GALNT18: variants seen among roughly 807,000 people sequenced by gnomAD.
GALNT18 encodes polypeptide N-acetylgalactosaminyltransferase 18.
GALNT18 carries 44 observed loss-of-function variants against 69.5 expected under a neutral mutation model. That is an observed-to-expected ratio of 0.63 (90% CI 0.50 to 0.81). The LOEUF (loss-of-function observed/expected upper bound fraction) is 0.81. Among genes scored for constraint, GALNT18 ranks in the 40% least tolerant of loss-of-function variants. The pLI is 0.00. For synonymous variants in GALNT18, 364 were observed against 318.2 expected, an observed-to-expected ratio of 1.14 and a Z score of -1.53; for missense variants, 715 against 810.0, an observed-to-expected ratio of 0.88 and a Z score of 1.42.
intron 3 of GALNT18, among the ~76,000 whole-genome samples, chr11:11,418,405 T>C (rs1202748336): frequency 6.6e-6 from 1 of 152,246 alleles, no homozygotes; most frequent in East Asian, 1.9e-4. Flanking sequence ...TCATGTTGAT[T>C]CCTTCCCTAA....
rs1454346466 is a variant in GALNT18, at chr11:11,606,871, A to G, written c.235+14488T>C. ...CTCCTCAGGGTAGTCCTCAAGTTGC[A>G]TTGGGTCTTGGATCCTTCAGCAAAC... is the stretch of plus-strand genomic sequence containing the variant. On this transcript the variant is annotated intron_variant, in intron 1 of 10. Transcript: ENST00000227756. This position sits in a 1 kb window ranked among gnomAD's most constrained non-coding sequence, Gnocchi z 5.4. Among the ~76,000 whole-genome samples the G allele has an allele frequency of 6.6e-6, 1 of 152,170 alleles. No homozygotes were observed. The highest frequency in any genetic ancestry group is 6.5e-5 in the Admixed American group (1 of 15,282).
At chr11:11,365,311 A>G (rs12788206) in intron 6 of GALNT18, among the ~76,000 whole-genome samples, 38,682 of 151,940 alleles carry the variant, frequency 0.25, 5,324 homozygotes, top group Middle Eastern at 0.31. Flanking sequence ...CCATGTCCCC[A>G]CAAAGGACGG....
intron 1 of GALNT18, among the ~76,000 whole-genome samples, chr11:11,474,939 G>C (rs1156731814): frequency 6.6e-6 from 1 of 152,204 alleles, no homozygotes; most frequent in Non-Finnish European, 1.5e-5. Context: ...TCCCCAGAGT[G>C]GGAATGTCAA....
At chr11:11,336,238 A>G (rs939927584) in intron 7 of GALNT18, among the ~76,000 whole-genome samples, 3 of 152,164 alleles carry the variant, frequency 2.0e-5, no homozygotes, top group Non-Finnish European at 4.4e-5. Context: ...CTGATTTTCA[A>G]TTAAAGTAGC....
At chr11:11,437,512 G>A (rs1673698212) in intron 2 of GALNT18, among the ~76,000 whole-genome samples, 1 of 152,056 alleles carries the variant, frequency 6.6e-6, no homozygotes, top group African/African-American at 2.4e-5. Context: ...ATATGTATGA[G>A]GCAAATTTAC....
At position 11,378,000 on chromosome 11, in the gene GALNT18, A is replaced by G. The variant is rs1313865872; in HGVS notation, c.780-621T>C. ...GCGAGTAAAGTGTTTGCAGGCAGGA[A>G]TAAGCTTCTCATTAATAATACATTT... is the stretch of plus-strand genomic sequence containing the variant. On this transcript the variant is annotated intron_variant, in intron 4 of 10. Coordinates refer to ENST00000227756, the MANE Select transcript of GALNT18 (RefSeq NM_198516.3). The surrounding 1 kb of genome is among the most constrained non-coding windows in gnomAD (Gnocchi z 4.6). Among the ~76,000 whole-genome samples the G allele has an allele frequency of 6.6e-6, 1 of 152,254 alleles. No individual in the cohort carries two copies. Among genetic ancestry groups the G allele is most frequent in the Non-Finnish European group, 1.5e-5 (1 of 68,044 alleles).
In GALNT18 at chr11:11,271,688, G is replaced by A. The variant is rs142503334; in HGVS notation, c.1678-398C>T. ...ATTTGAGCATCACCAGAGGCCTGGG[G>A]CTTCCTGCTCCTAGGGTCCATGCCC... On this transcript the variant is annotated intron_variant, in intron 10 of 10. Coordinates refer to ENST00000227756, the MANE Select transcript of GALNT18 (RefSeq NM_198516.3). Among the ~76,000 whole-genome samples the A allele has an allele frequency of 2.9e-4, 44 of 152,308 alleles. No individual in the cohort carries two copies. In the East Asian group the frequency reaches 8.5e-3, roughly 29 times the overall value.
intron 2 of GALNT18, among the ~76,000 whole-genome samples, chr11:11,448,484 T>G (rs151148589): frequency 0.011 from 1,656 of 152,360 alleles, 40 homozygotes; most frequent in African/African-American, 0.038. Context: ...GATTGTAGTG[T>G]CCTTAACGAG....
chr11:11,589,078 ACT>A (rs1431651021), intron 1 of GALNT18, among the ~76,000 whole-genome samples: 2 of 152,126 alleles, frequency 1.3e-5, no homozygotes, highest in Non-Finnish European at 1.5e-5. Flanking sequence ...AAATAAACTG[ACT>A]CTGAAACCCA....
intron 1 of GALNT18, among the ~76,000 whole-genome samples, chr11:11,452,424 T>G (rs910043094): frequency 1.3e-5 from 2 of 152,204 alleles, no homozygotes; most frequent in Non-Finnish European, 2.9e-5. Flanking sequence ...AAGCTCTCCA[T>G]AAACACTGCT....
chr11:11,556,689 G>A (rs780546518), intron 1 of GALNT18, among the ~76,000 whole-genome samples: 11 of 152,212 alleles, frequency 7.2e-5, no homozygotes, highest in Admixed American at 5.9e-4. Context: ...AGGATACAGC[G>A]CTATTTGCAG....
chr11:11,288,451 T>A (rs1309449550), intron 10 of GALNT18, among the ~76,000 whole-genome samples: 1 of 152,188 alleles, frequency 6.6e-6, no homozygotes, highest in Non-Finnish European at 1.5e-5. Flanking sequence ...AAGTCGGTCA[T>A]CCCAGGCTCT....
intron 3 of GALNT18, among the ~76,000 whole-genome samples, chr11:11,424,904 C>T (rs937987094): frequency 6.6e-6 from 1 of 152,128 alleles, no homozygotes; most frequent in Non-Finnish European, 1.5e-5. Context: ...TATGGGCCAC[C>T]ATGCCCACAG....
intron 1 of GALNT18, among the ~76,000 whole-genome samples, chr11:11,487,140 T>C (rs1209350969): frequency 1.3e-5 from 2 of 152,252 alleles, no homozygotes; most frequent in Non-Finnish European, 2.9e-5. Flanking sequence ...CCCCTCCCCC[T>C]TTATTTAACC....
In GALNT18 at chr11:11,432,863, G is replaced by A. The variant is rs1855307496; in HGVS notation, c.429-76C>T. 6.7e-7 allele frequency: 1 copy of A among 1,486,904 alleles called. No homozygotes were observed. The highest frequency in any genetic ancestry group is 1.4e-5 in the African/African-American group (1 of 71,898). 92.1% of individuals were successfully genotyped at this position (1,486,904 alleles called of 1,614,324 possible). ...CAGGAGCTGACCCAGCCCATGTCCT[G>A]GCTCCAGCTTTGCTGGAGGGCTCGG... On this transcript the variant is annotated intron_variant, in intron 2 of 10. Coordinates refer to ENST00000227756, the MANE Select transcript of GALNT18 (RefSeq NM_198516.3). This position sits in a 1 kb window ranked among gnomAD's most constrained non-coding sequence, Gnocchi z 5.8.
chr11:11,599,434 A>G (rs1859581377), intron 1 of GALNT18, among the ~76,000 whole-genome samples: 1 of 151,970 alleles, frequency 6.6e-6, no homozygotes, highest in Non-Finnish European at 1.5e-5. Context: ...TCTTACAATT[A>G]CTGTTTGCAT....
At chr11:11,485,007 C>T (rs373681489) in intron 1 of GALNT18, among the ~76,000 whole-genome samples, 4 of 152,248 alleles carry the variant, frequency 2.6e-5, no homozygotes, top group African/African-American at 9.6e-5. Context: ...TTGGGCAAGT[C>T]ACTCAACATT....
chr11:11,432,741 C>G lies in GALNT18; in HGVS notation c.475G>C (p.Val159Leu). The G allele has an allele frequency of 6.2e-7, 1 of 1,614,128 alleles. No homozygotes were observed. The highest frequency in any genetic ancestry group is 1.1e-5 in the South Asian group (1 of 91,060). The change falls in exon 3 of 11, where the codon GTG becomes CTG. Residue 159 changes from valine to leucine, a missense_variant. By Grantham distance (32) the Val-to-Leu change is conservative. Coordinates refer to ENST00000227756, the MANE Select transcript of GALNT18 (RefSeq NM_198516.3). The surrounding 1 kb of genome is among the most constrained non-coding windows in gnomAD (Gnocchi z 5.8). ...FPDSLPEVSI[V>L]FIFVNEALSV... ...AGCGCTTCATTGACGAAGATGAACA[C>G]GATGCTCACCTCTGGCAGGCTGTCA...
At position 11,348,713 on chromosome 11, in the gene GALNT18, C is replaced by T. The variant is rs149590684; in HGVS notation, c.1093-7709G>A. Among the ~76,000 whole-genome samples, 383 of 152,278 alleles carry T rather than the reference C, an allele frequency of 2.5e-3. 2 individuals are homozygous for T. The highest frequency in any genetic ancestry group is 8.5e-3 in the African/African-American group (352 of 41,548). On this transcript the variant is annotated intron_variant, in intron 6 of 10. Coordinates refer to ENST00000227756, the MANE Select transcript of GALNT18 (RefSeq NM_198516.3). ...TCACATTCTTGGGTTTCTGTCCCCT[C>T]TTTCTGCCACTCTCTTTACTGGAAA...
Sources: gnomAD v4.1 joint callset for allele counts (sites outside exome capture counted in the v4.1 genomes callset) on GRCh38, gnomAD v4.1.1 for gene constraint, Gnocchi (gnomAD v3.1) non-coding constraint, MANE v1.5 for transcripts, NCBI Gene and HGNC (gene_info 2026-07-23, HGNC 2026-07-21) for gene names.